The following SCAPER variants were observed in gnomAD, a reference collection of about 807,000 sequenced individuals.
SCAPER encodes S phase cyclin A-associated protein in the endoplasmic reticulum.
In SCAPER, 98 loss-of-function variants were observed where a neutral mutation model predicts 182.2. That is an observed-to-expected ratio of 0.54 (90% CI 0.46 to 0.64). The LOEUF (loss-of-function observed/expected upper bound fraction) is 0.64. Among genes scored for constraint, SCAPER ranks in the 30% least tolerant of loss-of-function variants. The pLI is 0.00. For synonymous variants in SCAPER, 605 were observed against 564.6 expected, an observed-to-expected ratio of 1.07 and a Z score of -1.01; for missense variants, 1,432 against 1,690.0, an observed-to-expected ratio of 0.85 and a Z score of 2.68.
rs149459875 is a variant in SCAPER, at chr15:76,464,465, C to A, written c.3078+6747G>T. On this transcript the variant is annotated intron_variant, in intron 25 of 31. Coordinates refer to ENST00000563290, the MANE Select transcript of SCAPER (RefSeq NM_020843.4). ...ATATTCTCAAGTCCTGCAGTCAGCT[C>A]TGTGGAAGCTGCATATATGAAAAGT... Among the ~76,000 whole-genome samples, 313 of 152,064 alleles carry A rather than the reference C, an allele frequency of 2.1e-3. 1 individual carries two copies. Among genetic ancestry groups the A allele is most frequent in the South Asian group, 4.4e-3 (21 of 4,814 alleles).
At chr15:76,646,557 C>CA (rs2054565793) in intron 21 of SCAPER, among the ~76,000 whole-genome samples, 1 of 152,174 alleles carries the variant, frequency 6.6e-6, no homozygotes, top group Non-Finnish European at 1.5e-5. Flanking sequence ...TTATCTTCAT[C>CA]CTTCTGTACA....
chr15:76,653,199 C>G (rs554321302), intron 21 of SCAPER, among the ~76,000 whole-genome samples: 1 of 151,590 alleles, frequency 6.6e-6, no homozygotes, highest in Admixed American at 6.6e-5. Flanking sequence ...ACAAAACTGC[C>G]GAAAAAAAAT....
At chr15:76,578,027 G>C (rs1353146140) in intron 22 of SCAPER, among the ~76,000 whole-genome samples, 5 of 151,916 alleles carry the variant, frequency 3.3e-5, no homozygotes, top group African/African-American at 1.2e-4. Flanking sequence ...TGAATGAAGA[G>C]CCCTTGGGCC....
intron 21 of SCAPER, among the ~76,000 whole-genome samples, chr15:76,651,446 C>T (rs1037236045): frequency 2.0e-5 from 3 of 151,638 alleles, no homozygotes; most frequent in Admixed American, 2.0e-4. Flanking sequence ...ACTTCTAGTA[C>T]TGCGTGGAAT....
intron 4 of SCAPER, among the ~76,000 whole-genome samples, chr15:76,856,679 T>A (rs2137307): frequency 0.38 from 57,527 of 151,566 alleles, 12,989 homozygotes; most frequent in Middle Eastern, 0.53. Context: ...ACATACTATA[T>A]ACTTAAAAAT....
intron 23 of SCAPER, among the ~76,000 whole-genome samples, chr15:76,540,665 T>G (rs1356301405): frequency 6.6e-6 from 1 of 152,078 alleles, no homozygotes; most frequent in Non-Finnish European, 1.5e-5. Flanking sequence ...TTTAACTTAT[T>G]CTATTTACAC....
chr15:76,440,332 T>C (rs529921725), intron 25 of SCAPER, among the ~76,000 whole-genome samples: 3 of 152,346 alleles, frequency 2.0e-5, no homozygotes, highest in East Asian at 1.9e-4. Flanking sequence ...GCCAAGCATG[T>C]ATTCTTTTTT....
intron 24 of SCAPER, among the ~76,000 whole-genome samples, chr15:76,478,635 A>T (rs2050849737): frequency 6.6e-6 from 1 of 152,146 alleles, no homozygotes; most frequent in East Asian, 1.9e-4. Context: ...GTTGTGTGAG[A>T]CAGGAGCCCG....
intron 21 of SCAPER, among the ~76,000 whole-genome samples, chr15:76,644,222 CAG>C (rs1163334579): frequency 6.6e-6 from 1 of 152,042 alleles, no homozygotes; most frequent in Non-Finnish European, 1.5e-5. Context: ...AATATTAAAA[CAG>C]ATTGAATACA....
In SCAPER at chr15:76,512,652, TA is replaced by T. The variant is rs1257077760; in HGVS notation, c.2839-7679del. 3.3e-5 allele frequency among the ~76,000 whole-genome samples: 5 copies of T among 149,842 alleles called. No individual in the cohort carries two copies. In the South Asian group the frequency reaches 6.4e-4, roughly 19 times the overall value. ...CATTTTAATGTATACATCTATGCCT[TA>T]AAAAAAAACCCTCCAAAAAACCCTC... On this transcript the variant is annotated intron_variant, in intron 23 of 31. Transcript: ENST00000563290.
At chr15:76,788,967 T>A (rs191003170) in intron 8 of SCAPER, among the ~76,000 whole-genome samples, 6 of 152,242 alleles carry the variant, frequency 3.9e-5, no homozygotes, top group African/African-American at 1.4e-4. Flanking sequence ...CCGGCCCAAT[T>A]TCTGACATTC....
At chr15:76,843,748 G>C (rs1437527585) in intron 4 of SCAPER, among the ~76,000 whole-genome samples, 1 of 151,998 alleles carries the variant, frequency 6.6e-6, no homozygotes, top group Non-Finnish European at 1.5e-5. Context: ...CTTGAGCCCA[G>C]GAGTTTGAGA....
chr15:76,488,717 T>TCC (rs2051936597), intron 24 of SCAPER, among the ~76,000 whole-genome samples: 1 of 11,120 alleles, frequency 9.0e-5, no homozygotes, highest in Non-Finnish European at 2.9e-4. Flanking sequence ...ACACTGCCTT[T>TCC]TTTTTTTTTT....
At chr15:76,707,526 G>C (rs1454233037) in intron 17 of SCAPER, among the ~76,000 whole-genome samples, 1 of 151,864 alleles carries the variant, frequency 6.6e-6, no homozygotes, top group Non-Finnish European at 1.5e-5. Flanking sequence ...AAATTAAAGA[G>C]GAATATTTTA....
At chr15:76,391,450 T>TA (rs1386411458) in intron 27 of SCAPER, among the ~76,000 whole-genome samples, 1 of 152,176 alleles carries the variant, frequency 6.6e-6, no homozygotes, top group Non-Finnish European at 1.5e-5. Context: ...GTCTGGGACA[T>TA]AGCACATACT....
intron 24 of SCAPER, chr15:76,498,290 C>T (rs946613491): frequency 3.9e-5 from 6 of 152,090 alleles, no homozygotes; most frequent in African/African-American, 1.4e-4. Flanking sequence ...AGAAGGAAAA[C>T]GCTAGAAAAT....
At chr15:76,802,605 T>C (rs927774760) in intron 6 of SCAPER, among the ~76,000 whole-genome samples, 15 of 152,310 alleles carry the variant, frequency 9.8e-5, no homozygotes, top group African/African-American at 3.6e-4. Context: ...TTAGTTTCCC[T>C]AGATTTGGTT....
intron 4 of SCAPER, among the ~76,000 whole-genome samples, chr15:76,851,926 G>A (rs1568337851): frequency 6.6e-6 from 1 of 152,096 alleles, no homozygotes; most frequent in Non-Finnish European, 1.5e-5. Flanking sequence ...CCAATGGTAT[G>A]CTGTCTTCAA....
At chr15:76,639,817 A>G (rs553085704) in intron 21 of SCAPER, among the ~76,000 whole-genome samples, 23 of 152,218 alleles carry the variant, frequency 1.5e-4, no homozygotes, top group Non-Finnish European at 2.2e-4. Flanking sequence ...GTTGTGTTAA[A>G]CCACCATATA....
Sources: gnomAD v4.1 joint callset for allele counts (sites outside exome capture counted in the v4.1 genomes callset) on GRCh38, gnomAD v4.1.1 for gene constraint, MANE v1.5 for transcripts, NCBI Gene and HGNC (gene_info 2026-07-23, HGNC 2026-07-21) for gene names.